ADK: variants seen among roughly 807,000 people sequenced by gnomAD.
ADK encodes the protein N6,N6-dimethyladenosine kinase.
A neutral mutation model predicts 44.7 loss-of-function variants in ADK; 24 were observed. The ratio of observed to expected loss-of-function variants is 0.54; its 90% CI spans 0.39 to 0.76. The LOEUF is 0.76. Ranked by LOEUF, ADK falls within the 30% of genes least tolerant of loss-of-function variation. The pLI is 0.00. For synonymous variants in ADK, 128 were observed against 142.6 expected (o/e 0.90, Z 0.73); for missense variants, 321 against 425.1 (o/e 0.76, Z 2.15).
At chr10:74,576,000 G>A (rs1851171002) in intron 7 of ADK, among the ~76,000 whole-genome samples, 1 of 152,058 alleles carries the variant, frequency 6.6e-6, no homozygotes, top group African/African-American at 2.4e-5. Flanking sequence ...AAGAGAAAGT[G>A]TCAAAAGGAC....
At chr10:74,675,088 G>A (rs369921581) in intron 10 of ADK, among the ~76,000 whole-genome samples, 1 of 151,940 alleles carries the variant, frequency 6.6e-6, no homozygotes, top group Non-Finnish European at 1.5e-5. Flanking sequence ...AGTTTTGCTG[G>A]CCTAAGAGTA....
chr10:74,184,948 T>C (rs1351103843), intron 1 of ADK, among the ~76,000 whole-genome samples: 1 of 152,218 alleles, frequency 6.6e-6, no homozygotes, highest in African/African-American at 2.4e-5. Context: ...GTATATTAAA[T>C]AGTAATGCAC....
intron 4 of ADK, among the ~76,000 whole-genome samples, chr10:74,334,649 A>C (rs2131856079): frequency 6.6e-6 from 1 of 152,222 alleles, no homozygotes; most frequent in Admixed American, 6.5e-5. Context: ...CTGTTTGTAT[A>C]GTTTTGCCTT....
chr10:74,242,940 C>T (rs542340628), intron 3 of ADK, among the ~76,000 whole-genome samples: 2 of 152,196 alleles, frequency 1.3e-5, no homozygotes, highest in Non-Finnish European at 1.5e-5. Context: ...TTCCACCGCT[C>T]AGTAAAATTC....
At chr10:74,276,948 C>T (rs996001252) in intron 3 of ADK, among the ~76,000 whole-genome samples, 3 of 150,946 alleles carry the variant, frequency 2.0e-5, no homozygotes, top group Non-Finnish European at 4.4e-5. Flanking sequence ...GACGGAGTCT[C>T]AGTCTGTTGC....
intron 3 of ADK, among the ~76,000 whole-genome samples, chr10:74,250,951 A>G (rs542009276): frequency 1.3e-5 from 2 of 152,216 alleles, no homozygotes; most frequent in African/African-American, 4.8e-5. Context: ...TATGTTGCCC[A>G]GGCTGGTCTT....
At chr10:74,686,761 C>T (rs1011633678) in intron 10 of ADK, among the ~76,000 whole-genome samples, 1 of 152,134 alleles carries the variant, frequency 6.6e-6, no homozygotes, top group Non-Finnish European at 1.5e-5. Flanking sequence ...ACTGCAACCT[C>T]TGCCTCTCGG....
intron 3 of ADK, among the ~76,000 whole-genome samples, chr10:74,302,101 GTTTGTTTGTTTTTTTTT>G (rs1840063931): frequency 6.0e-4 from 7 of 11,692 alleles, no homozygotes; most frequent in African/African-American, 2.0e-3. Flanking sequence ...TTTTTTTTTT[GTTTGTTTGTTTTTTTTT>G]TTTTTTTTTT....
chr10:74,352,632 C>T (rs1389724818), intron 4 of ADK, among the ~76,000 whole-genome samples: 1 of 152,192 alleles, frequency 6.6e-6, no homozygotes, highest in African/African-American at 2.4e-5. Flanking sequence ...TCAGAGTGAA[C>T]AGGCAGCATA....
intron 6 of ADK, among the ~76,000 whole-genome samples, chr10:74,509,045 G>A (rs984231063): frequency 6.6e-6 from 1 of 152,114 alleles, no homozygotes; most frequent in Non-Finnish European, 1.5e-5. Context: ...TGTGCAGATA[G>A]CCTTGAACTC....
chr10:74,600,956 A>C (rs1852099724), intron 9 of ADK, among the ~76,000 whole-genome samples: 1 of 151,860 alleles, frequency 6.6e-6, no homozygotes, highest in African/African-American at 2.4e-5. Context: ...AATTTCATCT[A>C]GTAAGCAAAC....
At chr10:74,689,009 T>C (rs1034720454) in intron 10 of ADK, among the ~76,000 whole-genome samples, 4 of 152,032 alleles carry the variant, frequency 2.6e-5, no homozygotes, top group Non-Finnish European at 5.9e-5. Flanking sequence ...TCCCAGCACT[T>C]TGGGAGGCCG....
chr10:74,247,778 A>G (rs1285759850), intron 3 of ADK, among the ~76,000 whole-genome samples: 1 of 152,186 alleles, frequency 6.6e-6, no homozygotes, highest in Non-Finnish European at 1.5e-5. Flanking sequence ...TGTTGAGGGC[A>G]AAGAAATAGG....
At chr10:74,386,883 A>C (rs1263436240) in intron 4 of ADK, among the ~76,000 whole-genome samples, 1 of 152,028 alleles carries the variant, frequency 6.6e-6, no homozygotes, top group Non-Finnish European at 1.5e-5. Flanking sequence ...CAAAATTTCA[A>C]GGTAAACACA....
At chr10:74,681,192 A>T (rs1483019567) in intron 10 of ADK, among the ~76,000 whole-genome samples, 1 of 152,232 alleles carries the variant, frequency 6.6e-6, no homozygotes, top group Non-Finnish European at 1.5e-5. Context: ...GGAAAATTTT[A>T]AAAAATCATA....
At chr10:74,532,834 C>T (rs1482777976) in intron 7 of ADK, among the ~76,000 whole-genome samples, 1 of 140,836 alleles carries the variant, frequency 7.1e-6, no homozygotes, top group Non-Finnish European at 1.5e-5. Flanking sequence ...TGACCTGAGG[C>T]AGGAGAACCC....
At chr10:74,328,882 C>T (rs1841112061) in intron 4 of ADK, among the ~76,000 whole-genome samples, 1 of 151,770 alleles carries the variant, frequency 6.6e-6, no homozygotes. Context: ...TTTCTCAGCT[C>T]TGTGGTACAA....
chr10:74,379,148 G>A (rs1842906738), intron 4 of ADK, among the ~76,000 whole-genome samples: 1 of 152,048 alleles, frequency 6.6e-6, no homozygotes, highest in Non-Finnish European at 1.5e-5. Flanking sequence ...TTGAACAAAG[G>A]AATGACATAC....
chr10:74,224,590 C>T lies in ADK; in HGVS notation c.193C>T (p.Leu65=), dbSNP rs746826404. The change falls in exon 3 of 11, where the codon CTG becomes TTG. Residue 65 remains leucine, a splice_region_variant and synonymous_variant. Coordinates refer to ENST00000539909, the MANE Select transcript of ADK (RefSeq NM_006721.4). ...QILAEDKHKE[L]FDELVKKFKV... ...CTTGGCTGAAGACAAACACAAGGAA[C>T]TGTAAGTGCATTAAACCATTGGTTG... The T allele has an allele frequency of 1.2e-6, 2 of 1,612,804 alleles. No individual in the cohort carries two copies. Among genetic ancestry groups the T allele is most frequent in the Non-Finnish European group, 1.7e-6 (2 of 1,179,068 alleles).
Sources: allele counts gnomAD v4.1 joint callset (sites outside exome capture counted in the v4.1 genomes callset), GRCh38; gene constraint gnomAD v4.1.1; transcripts MANE v1.5; gene names NCBI Gene and HGNC (gene_info 2026-07-23, HGNC 2026-07-21).